The following SPOCK3 variants were observed in gnomAD, a reference collection of about 807,000 sequenced individuals.
SPOCK3 encodes the protein SPARC (osteonectin), cwcv and kazal like domains proteoglycan 3.
SPOCK3 carries 30 observed loss-of-function variants against 56.6 expected under a neutral mutation model. The ratio of observed to expected loss-of-function variants is 0.53; its 90% CI spans 0.40 to 0.72. SPOCK3 has a LOEUF of 0.72. Ranked by LOEUF, SPOCK3 falls within the 30% of genes least tolerant of loss-of-function variation. SPOCK3 has a pLI of 0.00. For synonymous variants in SPOCK3, 196 were observed against 183.3 expected (o/e 1.07, Z -0.56); for missense variants, 527 against 530.0 (o/e 0.99, Z 0.06).
rs952094382 is a variant in SPOCK3, at chr4:166,873,386, G to A, written c.589+15744C>T. Among the ~76,000 whole-genome samples, 3 of 152,030 alleles carry A rather than the reference G, an allele frequency of 2.0e-5. No homozygotes were observed. The East Asian group carries it at 5.8e-4, about 29-fold the overall frequency. On this transcript the variant is annotated intron_variant, in intron 6 of 10. Transcript: ENST00000357545. ...TACAATAACAAGAGTGAACCTGAAT[G>A]TAAACTATGAACTTTGGGTGATAAT... is the stretch of plus-strand genomic sequence containing the variant.
At chr4:166,940,146 C>A (rs1446676241) in intron 4 of SPOCK3, among the ~76,000 whole-genome samples, 1 of 152,164 alleles carries the variant, frequency 6.6e-6, no homozygotes, top group Non-Finnish European at 1.5e-5. Context: ...ATCTTTTCTA[C>A]TATTGCTAAA....
chr4:166,806,959 C>T (rs999258543), intron 6 of SPOCK3, among the ~76,000 whole-genome samples: 7 of 151,740 alleles, frequency 4.6e-5, no homozygotes. Context: ...ACAACAATAA[C>T]TAATATAAAA....
chr4:166,771,055 TATA>T (rs1245255985), intron 7 of SPOCK3, among the ~76,000 whole-genome samples: 14 of 148,946 alleles, frequency 9.4e-5, no homozygotes, highest in Middle Eastern at 3.3e-3. Flanking sequence ...ATTATATAAA[TATA>T]ATATTATATT....
intron 4 of SPOCK3, among the ~76,000 whole-genome samples, chr4:166,933,187 T>G (rs769297634): frequency 1.3e-5 from 2 of 152,196 alleles, no homozygotes; most frequent in Non-Finnish European, 2.9e-5. Context: ...TATGCCAAAA[T>G]TAGAAGAGCT....
chr4:167,093,149 G>GTTATTTACTTTTATTTACTT (rs901476827), intron 2 of SPOCK3, among the ~76,000 whole-genome samples: 2 of 151,992 alleles, frequency 1.3e-5, no homozygotes, highest in African/African-American at 4.8e-5. Context: ...CACTACTGCT[G>GTTATTTACTTTTATTTACTT]TTATTTACTT....
At chr4:167,175,954 A>G (rs1488156540) in intron 2 of SPOCK3, among the ~76,000 whole-genome samples, 1 of 152,164 alleles carries the variant, frequency 6.6e-6, no homozygotes, top group Admixed American at 6.6e-5. Context: ...ATGCAAATTA[A>G]TATCATCTAT....
In SPOCK3 at chr4:167,017,737, AGTGT is replaced by A. The variant is rs1222738093; in HGVS notation, c.236-17278_236-17275del. Among the ~76,000 whole-genome samples the A allele has an allele frequency of 2.6e-5, 4 of 151,890 alleles. No individual in the cohort carries two copies. In the East Asian group the frequency reaches 7.8e-4, roughly 29 times the overall value. ...ATATGAATGTATGTGTGTGTGTGTG[AGTGT>A]GTGTATGCATGTGTGTGTTAGCTAT... is the stretch of plus-strand genomic sequence containing the variant. On this transcript the variant is annotated intron_variant, in intron 3 of 10. Coordinates refer to ENST00000357545, the MANE Select transcript of SPOCK3 (RefSeq NM_001040159.2).
At chr4:167,165,141 A>G (rs1158660767) in intron 2 of SPOCK3, among the ~76,000 whole-genome samples, 1 of 152,108 alleles carries the variant, frequency 6.6e-6, no homozygotes, top group Non-Finnish European at 1.5e-5. Context: ...CATTCAGGAC[A>G]TAGGCATGGG....
chr4:166,800,183 G>GAAAAAAAAAAAAAAAAAAAAAAA (rs367811359), intron 6 of SPOCK3, among the ~76,000 whole-genome samples: 26 of 51,782 alleles, frequency 5.0e-4, no homozygotes, highest in East Asian at 2.8e-3. Flanking sequence ...CTCCATCTCA[G>GAAAAAAAAAAAAAAAAAAAAAAA]AAAAAAAAAA....
intron 4 of SPOCK3, among the ~76,000 whole-genome samples, chr4:166,922,421 T>G (rs1355477064): frequency 1.3e-5 from 2 of 152,214 alleles, no homozygotes; most frequent in Non-Finnish European, 2.9e-5. Context: ...AGGTCCTGAC[T>G]TTGATGCCAT....
chr4:166,752,657 CTTTTA>C (rs1422146773), intron 8 of SPOCK3, among the ~76,000 whole-genome samples: 1 of 150,630 alleles, frequency 6.6e-6, no homozygotes, highest in Admixed American at 6.7e-5. Context: ...GGAAAATATT[CTTTTA>C]TAAGCTGGAA....
chr4:167,230,005 C>A (rs1038833734), intron 2 of SPOCK3, among the ~76,000 whole-genome samples: 2 of 151,944 alleles, frequency 1.3e-5, no homozygotes, highest in Non-Finnish European at 2.9e-5. Context: ...TTAAAGGGTA[C>A]AATCCTGTTT....
intron 4 of SPOCK3, among the ~76,000 whole-genome samples, chr4:166,926,040 G>C (rs138739577): frequency 1.2e-3 from 179 of 152,208 alleles, no homozygotes; most frequent in African/African-American, 3.9e-3. Flanking sequence ...ACAACCACTT[G>C]AGTGAATGAT....
chr4:166,914,571 G>A (rs1250013562), intron 4 of SPOCK3, among the ~76,000 whole-genome samples: 2 of 152,126 alleles, frequency 1.3e-5, no homozygotes, highest in Non-Finnish European at 2.9e-5. Context: ...GGGAGTTTGA[G>A]ACCAGCCTGA....
At chr4:167,216,665 G>A (rs750451690) in intron 2 of SPOCK3, among the ~76,000 whole-genome samples, 22 of 152,046 alleles carry the variant, frequency 1.4e-4, no homozygotes, top group Non-Finnish European at 2.4e-4. Context: ...AGCTTTAAGA[G>A]TTGTGTTCTG....
chr4:167,201,938 A>T (rs187736943), intron 2 of SPOCK3, among the ~76,000 whole-genome samples: 7 of 152,058 alleles, frequency 4.6e-5, no homozygotes, highest in African/African-American at 1.4e-4. Context: ...TGTTATCATA[A>T]ACTCAAGAAA....
At chr4:166,789,453 A>AAAACC in intron 7 of SPOCK3, among the ~76,000 whole-genome samples, 1 of 152,166 alleles carries the variant, frequency 6.6e-6, no homozygotes, top group African/African-American at 2.4e-5. Flanking sequence ...AACCAAAACC[A>AAAACC]AAACCAAAAA....
chr4:167,162,045 A>AT (rs1765365605), intron 2 of SPOCK3, among the ~76,000 whole-genome samples: 1 of 151,742 alleles, frequency 6.6e-6, no homozygotes, highest in African/African-American at 2.4e-5. Context: ...TATAATAATA[A>AT]AAAAAAAGAA....
At chr4:166,884,338 C>T (rs902839207) in intron 6 of SPOCK3, among the ~76,000 whole-genome samples, 3 of 148,168 alleles carry the variant, frequency 2.0e-5, no homozygotes, top group Non-Finnish European at 3.0e-5. Flanking sequence ...GATGAAAGAG[C>T]GAGACTCCAT....
Sources: gnomAD v4.1 joint callset for allele counts (sites outside exome capture counted in the v4.1 genomes callset) on GRCh38, gnomAD v4.1.1 for gene constraint, MANE v1.5 for transcripts, NCBI Gene and HGNC (gene_info 2026-07-23, HGNC 2026-07-21) for gene names.